GRIK1: variants seen among roughly 807,000 people sequenced by gnomAD.
The protein encoded by GRIK1 is glutamate ionotropic receptor kainate type subunit 1.
In GRIK1, 69 loss-of-function variants were observed where a neutral mutation model predicts 105.7. The observed-to-expected ratio is 0.65, with a 90% confidence interval of 0.54 to 0.80. The LOEUF is 0.80. Among genes scored for constraint, GRIK1 ranks in the 30% least tolerant of loss-of-function variants. GRIK1 has a pLI of 0.00. For synonymous variants in GRIK1, 438 were observed against 431.3 expected, an observed-to-expected ratio of 1.02 and a Z score of -0.19; for missense variants, 1,109 against 1,167.3, an observed-to-expected ratio of 0.95 and a Z score of 0.73.
intron 1 of GRIK1, among the ~76,000 whole-genome samples, chr21:29,735,616 G>T (rs1440299487): frequency 1.3e-5 from 2 of 152,150 alleles, no homozygotes; most frequent in Admixed American, 6.5e-5. Flanking sequence ...GAAAACATCG[G>T]CTGGGCACGG....
chr21:29,843,418 A>G (rs2068033335), intron 1 of GRIK1, among the ~76,000 whole-genome samples: 1 of 152,224 alleles, frequency 6.6e-6, no homozygotes, highest in Non-Finnish European at 1.5e-5. Flanking sequence ...TCTGATCTAC[A>G]ACGAAGAGCA....
At chr21:29,555,771 A>G (rs1433431229) in intron 15 of GRIK1, among the ~76,000 whole-genome samples, 1 of 152,210 alleles carries the variant, frequency 6.6e-6, no homozygotes, top group Non-Finnish European at 1.5e-5. Flanking sequence ...TATTTGTGGC[A>G]ATAAGATATC....
At chr21:29,933,957 C>T (rs2071658961) in intron 1 of GRIK1, among the ~76,000 whole-genome samples, 1 of 79,006 alleles carries the variant, frequency 1.3e-5, no homozygotes, top group East Asian at 6.5e-4. Flanking sequence ...GAGATCTCCA[C>T]TACTCTTTCC....
At chr21:29,930,879 A>G (rs913375323) in intron 1 of GRIK1, among the ~76,000 whole-genome samples, 12 of 152,228 alleles carry the variant, frequency 7.9e-5, no homozygotes, top group Non-Finnish European at 2.9e-5. Context: ...TATGGAATGA[A>G]CGAGACTTTT....
Position 29,893,551 on chromosome 21 carries a change from G to A in GRIK1, c.118+45832C>T, listed in dbSNP as rs188451984. ...ATCTATATTTATATAGCATTTAAAT[G>A]AGAAAATATATTTGTATGTTTTACC... On this transcript the variant is annotated intron_variant, in intron 1 of 17. Transcript: ENST00000327783. Among the ~76,000 whole-genome samples the A allele has an allele frequency of 2.7e-4, 41 of 152,284 alleles. 1 individual carries two copies. The highest frequency in any genetic ancestry group is 2.4e-3 in the Admixed American group (37 of 15,286).
rs2409343 is a variant in GRIK1 at position 29,712,083 on chromosome 21, T to C, written c.119-18020A>G. ...GTATATAAGTATATGTATACATACA[T>C]ACACACACACACACACACACACACA... On this transcript the variant is annotated intron_variant, in intron 1 of 17. Transcript: ENST00000327783. Among the ~76,000 whole-genome samples, 1,167 of 135,338 alleles carry C rather than the reference T, an allele frequency of 8.6e-3. 11 individuals carry two copies. The highest frequency in any genetic ancestry group is 0.027 in the African/African-American group (986 of 37,104). The allele number at this position is 135,338 out of a possible 152,430, so 88.8% of individuals were successfully genotyped here.
intron 1 of GRIK1, among the ~76,000 whole-genome samples, chr21:29,883,522 T>G (rs2069500856): frequency 6.6e-6 from 1 of 151,970 alleles, no homozygotes; most frequent in South Asian, 2.1e-4. Flanking sequence ...ACAAAGCAAG[T>G]GGTGCACATT....
intron 1 of GRIK1, among the ~76,000 whole-genome samples, chr21:29,801,656 A>C (rs2066714417): frequency 6.6e-6 from 1 of 152,212 alleles, no homozygotes; most frequent in Non-Finnish European, 1.5e-5. Flanking sequence ...CTCTGTGGAC[A>C]TATTTTCAAT....
At chr21:29,912,674 C>G (rs1761331389) in intron 1 of GRIK1, among the ~76,000 whole-genome samples, 1 of 151,894 alleles carries the variant, frequency 6.6e-6, no homozygotes, top group Admixed American at 6.6e-5. Flanking sequence ...AAATATTTAT[C>G]CAGAATTTTA....
chr21:29,915,934 A>C (rs1478364655), intron 1 of GRIK1, among the ~76,000 whole-genome samples: 1 of 151,982 alleles, frequency 6.6e-6, no homozygotes, highest in Admixed American at 6.6e-5. Context: ...GAAAGAAAAC[A>C]CTCATTAAAA....
chr21:29,878,766 G>A (rs1043642544), intron 1 of GRIK1, among the ~76,000 whole-genome samples: 4 of 152,052 alleles, frequency 2.6e-5, no homozygotes, highest in African/African-American at 7.2e-5. Flanking sequence ...TACAAAGCAC[G>A]AAGTGGACCC....
At chr21:29,646,733 C>T (rs1183456578) in intron 6 of GRIK1, among the ~76,000 whole-genome samples, 2 of 152,144 alleles carry the variant, frequency 1.3e-5, no homozygotes, top group African/African-American at 4.8e-5. Flanking sequence ...CACACAGGGT[C>T]ATATAGGTCC....
At chr21:29,897,890 G>C (rs1393472354) in intron 1 of GRIK1, among the ~76,000 whole-genome samples, 1 of 152,162 alleles carries the variant, frequency 6.6e-6, no homozygotes, top group Non-Finnish European at 1.5e-5. Context: ...ACATATATTT[G>C]AATAAAACTG....
intron 14 of GRIK1, among the ~76,000 whole-genome samples, chr21:29,570,319 G>A (rs777012354): frequency 1.1e-4 from 16 of 152,020 alleles, no homozygotes; most frequent in Non-Finnish European, 2.2e-4. Flanking sequence ...TGTTCAACAT[G>A]GTGAAACCCT....
intron 14 of GRIK1, among the ~76,000 whole-genome samples, chr21:29,573,576 G>A (rs2090808835): frequency 6.6e-6 from 1 of 151,908 alleles, no homozygotes; most frequent in African/African-American, 2.4e-5. Flanking sequence ...GGGGCCGGGC[G>A]CAGTGGCTCA....
At chr21:29,737,262 G>A (rs1197073149) in intron 1 of GRIK1, among the ~76,000 whole-genome samples, 2 of 152,164 alleles carry the variant, frequency 1.3e-5, no homozygotes, top group African/African-American at 4.8e-5. Flanking sequence ...TCTGCTTGAA[G>A]CACAAAGAAA....
chr21:29,755,911 T>C (rs2065325617), intron 1 of GRIK1, among the ~76,000 whole-genome samples: 1 of 152,042 alleles, frequency 6.6e-6, no homozygotes, highest in Admixed American at 6.6e-5. Flanking sequence ...CTGGCTTAGG[T>C]ATTAGGGTTA....
rs1057345131 is a variant in GRIK1 at position 29,647,963 on chromosome 21, C to A, written c.954+3155G>T. Among the ~76,000 whole-genome samples the A allele has an allele frequency of 3.3e-5, 5 of 151,838 alleles. No individual in the cohort carries two copies. The East Asian group carries it at 9.7e-4, about 29-fold the overall frequency. On this transcript the variant is annotated intron_variant, in intron 6 of 17. Transcript: ENST00000327783. ...ACTAAATTTTTTTCTTTAATTAATT[C>A]TATTGTTCTTAAGTCTGGTGTCAAG... is the stretch of plus-strand genomic sequence containing the variant.
At chr21:29,919,461 G>A (rs1470270071) in intron 1 of GRIK1, among the ~76,000 whole-genome samples, 3 of 152,200 alleles carry the variant, frequency 2.0e-5, no homozygotes, top group Non-Finnish European at 4.4e-5. Context: ...CAATCTGTAA[G>A]TAGAGTGAAT....
Sources: allele counts gnomAD v4.1 joint callset (sites outside exome capture counted in the v4.1 genomes callset), GRCh38; gene constraint gnomAD v4.1.1; transcripts MANE v1.5; gene names NCBI Gene and HGNC (gene_info 2026-07-23, HGNC 2026-07-21).